FILIP1L: variants seen among roughly 807,000 people sequenced by gnomAD.
FILIP1L encodes filamin A interacting protein 1 like.
In FILIP1L, 55 loss-of-function variants were observed where a neutral mutation model predicts 96.6. The observed-to-expected ratio is 0.57, with a 90% CI of 0.46 to 0.71. The LOEUF (loss-of-function observed/expected upper bound fraction) is 0.71, where lower values mean the gene tolerates loss of function less well. FILIP1L is among the 30% of genes least tolerant of loss of function. The probability of loss-of-function intolerance (pLI) is 0.00; values close to 1 mark genes in which losing one functional copy is unlikely to be tolerated. For missense variants in FILIP1L, 1,304 were observed against 1,321.2 expected, an observed-to-expected ratio of 0.99 and a Z score of 0.20; for synonymous variants, 467 against 473.9, an observed-to-expected ratio of 0.99 and a Z score of 0.19.
chr3:100,104,109 CTG>C (rs1386800803), intron 1 of FILIP1L, among the ~76,000 whole-genome samples: 2 of 152,194 alleles, frequency 1.3e-5, no homozygotes, highest in Non-Finnish European at 2.9e-5. Context: ...CAACTGCTCT[CTG>C]TGTGTGTTTG....
At chr3:99,916,086 G>A (rs1243881927) in intron 4 of FILIP1L, among the ~76,000 whole-genome samples, 1 of 152,176 alleles carries the variant, frequency 6.6e-6, no homozygotes, top group Non-Finnish European at 1.5e-5. Flanking sequence ...TTATTTTGAG[G>A]TGTATCTGTG....
At position 99,849,388 on chromosome 3, in the gene FILIP1L, T is replaced by C. The variant is rs1286854780; in HGVS notation, c.2288A>G (p.Glu763Gly). The C allele has an allele frequency of 6.2e-7, 1 of 1,614,204 alleles. No homozygotes were observed. The highest frequency in any genetic ancestry group is 8.5e-7 in the Non-Finnish European group (1 of 1,180,034). Reference protein sequence around the residue: ...QENRNRDLGREIENLTKELER... With the variant: ...QENRNRDLGRGIENLTKELER... ...TAACTCCTTAGTGAGGTTTTCAATC[T>C]CTCTTCCTAAATCTCTGTTCCTGTT... The change falls in exon 5 of 6, where the codon GAG becomes GGG. Residue 763 changes from glutamate to glycine, a missense_variant. Physicochemically the swap from Glu to Gly is moderately conservative, Grantham distance 98 (BLOSUM62 -2). Coordinates refer to ENST00000477258, the MANE Select transcript of FILIP1L (RefSeq NM_001387850.1).
At chr3:99,858,761 A>C (rs1944097966) in intron 4 of FILIP1L, among the ~76,000 whole-genome samples, 1 of 152,212 alleles carries the variant, frequency 6.6e-6, no homozygotes, top group African/African-American at 2.4e-5. Context: ...TGTTATTATG[A>C]AGATATCTTC....
At chr3:99,935,335 G>A (rs1347531987) in intron 1 of FILIP1L, among the ~76,000 whole-genome samples, 1 of 151,376 alleles carries the variant, frequency 6.6e-6, no homozygotes, top group Admixed American at 6.6e-5. Context: ...ATGAAGTGCT[G>A]ACCTAGTACC....
intron 1 of FILIP1L, among the ~76,000 whole-genome samples, chr3:99,936,866 T>C (rs1422692740): frequency 6.6e-6 from 1 of 152,146 alleles, no homozygotes; most frequent in Non-Finnish European, 1.5e-5. Flanking sequence ...TCAACAAACA[T>C]TTATGAAATG....
At chr3:99,969,869 C>T (rs990447125) in intron 1 of FILIP1L, among the ~76,000 whole-genome samples, 11 of 152,116 alleles carry the variant, frequency 7.2e-5, no homozygotes, top group African/African-American at 2.4e-4. Flanking sequence ...TTGCCAAGTG[C>T]CCTAGTCATG....
intron 4 of FILIP1L, among the ~76,000 whole-genome samples, chr3:99,855,648 A>C (rs1943925255): frequency 6.6e-6 from 1 of 152,244 alleles, no homozygotes; most frequent in South Asian, 2.1e-4. Flanking sequence ...GAACACTCTG[A>C]ATGGAGAACT....
At position 99,936,151 on chromosome 3, in the gene FILIP1L, A is replaced by G. The variant is rs552798152; in HGVS notation, c.-10-5121T>C. 2.0e-5 allele frequency among the ~76,000 whole-genome samples: 3 copies of G among 152,200 alleles called. No homozygotes were observed. The South Asian group carries it at 6.2e-4, about 32-fold the overall frequency. Reference sequence around the variant, plus strand: ...CTAGAGGATATTTTTGCTTGTATCAAGTAAGTGAAAAGCCTCAAAAAAGAA... The same window carrying G: ...CTAGAGGATATTTTTGCTTGTATCAGGTAAGTGAAAAGCCTCAAAAAAGAA... On this transcript the variant is annotated intron_variant, in intron 1 of 5. Coordinates refer to ENST00000477258, the MANE Select transcript of FILIP1L (RefSeq NM_001387850.1).
intron 3 of FILIP1L, among the ~76,000 whole-genome samples, chr3:99,926,550 CT>C (rs1429812894): frequency 1.3e-5 from 2 of 152,182 alleles, no homozygotes; most frequent in Non-Finnish European, 2.9e-5. Flanking sequence ...ATCAGCTTTA[CT>C]TTAGGGAAGT....
rs143832095 is a variant in FILIP1L, at chr3:99,847,399, G to A, written c.3381+896C>T. Among the ~76,000 whole-genome samples the A allele has an allele frequency of 4.2e-3, 643 of 151,822 alleles. 3 individuals carry two copies. Among genetic ancestry groups the A allele is most frequent in the Middle Eastern group, 6.8e-3 (2 of 294 alleles). On this transcript the variant is annotated intron_variant, in intron 5 of 5. Transcript: ENST00000477258. ...GTGTTCAAGAGTTTATGTCACAGTG[G>A]CTGGTTCCAGATTTGGTTGTAGACA...
At chr3:100,078,930 A>G (rs1400439727) in intron 1 of FILIP1L, among the ~76,000 whole-genome samples, 1 of 152,044 alleles carries the variant, frequency 6.6e-6, no homozygotes, top group Non-Finnish European at 1.5e-5. Context: ...ATCTCATAAT[A>G]TTTTAAGAAA....
intron 1 of FILIP1L, among the ~76,000 whole-genome samples, chr3:100,047,218 C>T (rs1457533941): frequency 1.3e-5 from 2 of 152,054 alleles, no homozygotes; most frequent in African/African-American, 4.8e-5. Flanking sequence ...TAAAAACTAT[C>T]GGAGGGAAGT....
intron 1 of FILIP1L, among the ~76,000 whole-genome samples, chr3:99,988,010 A>G (rs1468787417): frequency 1.3e-5 from 2 of 152,146 alleles, no homozygotes; most frequent in African/African-American, 4.8e-5. Context: ...ATCAAATGAA[A>G]GTAAAAAAGA....
chr3:100,036,094 AATAT>A (rs1348857075), intron 1 of FILIP1L, among the ~76,000 whole-genome samples: 2 of 152,218 alleles, frequency 1.3e-5, no homozygotes, highest in African/African-American at 4.8e-5. Flanking sequence ...GCATAAACTT[AATAT>A]AAAAGGAATT....
At chr3:99,979,512 G>A (rs1709060330) in intron 1 of FILIP1L, among the ~76,000 whole-genome samples, 1 of 152,126 alleles carries the variant, frequency 6.6e-6, no homozygotes, top group African/African-American at 2.4e-5. Context: ...GGTAGAAATG[G>A]TTTATTTTTC....
intron 4 of FILIP1L, among the ~76,000 whole-genome samples, chr3:99,861,050 C>T (rs1240181559): frequency 6.6e-6 from 1 of 152,140 alleles, no homozygotes; most frequent in Non-Finnish European, 1.5e-5. Flanking sequence ...TCATTTTTCT[C>T]ACTTTTCTTT....
Position 100,016,904 on chromosome 3 carries a change from T to C in FILIP1L, c.-10-85874A>G, listed in dbSNP as rs527388908. ...GTGAGAATTAGTTGTGTCCAAAATA[T>C]CAATCAGAATATTTCCATCTAATTA... On this transcript the variant is annotated intron_variant, in intron 1 of 5. Transcript: ENST00000477258. Among the ~76,000 whole-genome samples, 9 of 152,356 alleles carry C rather than the reference T, an allele frequency of 5.9e-5. No individual in the cohort carries two copies. The South Asian group carries it at 1.9e-3, about 32-fold the overall frequency.
chr3:99,921,380 C>A (rs373147891), intron 4 of FILIP1L, among the ~76,000 whole-genome samples: 21 of 152,216 alleles, frequency 1.4e-4, no homozygotes, highest in African/African-American at 5.1e-4. Context: ...AGATAGAAGT[C>A]AGTTATGCCT....
At chr3:100,070,110 T>A (rs1364078147) in intron 1 of FILIP1L, among the ~76,000 whole-genome samples, 1 of 152,250 alleles carries the variant, frequency 6.6e-6, no homozygotes, top group African/African-American at 2.4e-5. Context: ...GCCGTGGATT[T>A]GGACAGTGAT....
Sources: gnomAD v4.1 joint callset for allele counts (sites outside exome capture counted in the v4.1 genomes callset) on GRCh38, gnomAD v4.1.1 for gene constraint, MANE v1.5 for transcripts, NCBI Gene and HGNC (gene_info 2026-07-23, HGNC 2026-07-21) for gene names.